METAP1: variants seen among roughly 807,000 people sequenced by gnomAD.
METAP1 encodes the protein methionyl aminopeptidase 1.
Under a neutral mutation model 53.8 loss-of-function variants are expected in METAP1, and 28 were observed. That is an observed-to-expected ratio of 0.52 (90% CI 0.39 to 0.71). METAP1 has a LOEUF of 0.71. Ranked by LOEUF, METAP1 falls within the 30% of genes least tolerant of loss-of-function variation. The probability of loss-of-function intolerance (pLI) is 0.00; values close to 1 mark genes in which losing one functional copy is unlikely to be tolerated. For synonymous variants in METAP1, 181 were observed against 165.7 expected (o/e 1.09, Z -0.71); for missense variants, 389 against 479.8 (o/e 0.81, Z 1.77).
In METAP1 at chr4:99,061,395, C is replaced by A; in HGVS notation, c.*78C>A. On this transcript the variant is annotated 3_prime_UTR_variant, in exon 11 of 11. Coordinates refer to ENST00000296411, the MANE Select transcript of METAP1 (RefSeq NM_015143.3). The stretch of plus-strand genomic sequence containing the variant: ...TTGAGAGTACAGAAAGGAAGAGGAA[C>A]CTTTTTTTAATCACTTGTTTTGTTT... The A allele has an allele frequency of 7.5e-7, 1 of 1,336,840 alleles. No homozygotes were observed. The allele number at this position is 1,336,840 out of a possible 1,614,324, so 82.8% of individuals were successfully genotyped here. A position where few individuals can be genotyped will look rare whatever the true frequency, so the allele number is the denominator to read the frequency against.
At chr4:99,013,410 C>T (rs1320939507) in intron 1 of METAP1, among the ~76,000 whole-genome samples, 1 of 152,160 alleles carries the variant, frequency 6.6e-6, no homozygotes, top group Non-Finnish European at 1.5e-5. Flanking sequence ...CATTATTCCC[C>T]TAGTTGGAAA....
intron 8 of METAP1, among the ~76,000 whole-genome samples, chr4:99,047,660 C>T (rs1230207): frequency 0.17 from 25,149 of 152,082 alleles, 3,338 homozygotes; most frequent in East Asian, 0.8. Context: ...TGTATCTGAA[C>T]CTCAGTCTGG....
At chr4:99,001,109 C>G (rs76072717) in intron 1 of METAP1, among the ~76,000 whole-genome samples, 1,871 of 152,302 alleles carry the variant, frequency 0.012, 39 homozygotes, top group African/African-American at 0.043. Context: ...GAAACTTTCT[C>G]TGTCAGTAAC....
intron 9 of METAP1, among the ~76,000 whole-genome samples, chr4:99,052,421 A>G (rs1472072140): frequency 6.6e-6 from 1 of 152,220 alleles, no homozygotes; most frequent in Non-Finnish European, 1.5e-5. Flanking sequence ...CTATACAAGC[A>G]TGGCAGCATC....
chr4:99,012,269 GTT>G lies in METAP1; in HGVS notation c.114+16419_114+16420del, dbSNP rs34482996. 9.3e-4 allele frequency among the ~76,000 whole-genome samples: 99 copies of G among 106,684 alleles called. 1 individual carries two copies. The highest frequency in any genetic ancestry group is 7.9e-3 in the East Asian group (28 of 3,540). 70.0% of individuals were successfully genotyped at this position (106,684 alleles called of 152,430 possible). ...GGTAAAAGTCGGGTTGTTAATGTGA[GTT>G]TTTTTTTTTTTTTTTTCAAGACAGT... On this transcript the variant is annotated intron_variant, in intron 1 of 10. Transcript: ENST00000296411.
intron 9 of METAP1, among the ~76,000 whole-genome samples, chr4:99,049,382 T>C (rs987776103): frequency 6.6e-6 from 1 of 152,220 alleles, no homozygotes; most frequent in Non-Finnish European, 1.5e-5. Context: ...GTCAACAGTT[T>C]GCCACAGGCC....
intron 1 of METAP1, chr4:98,997,543 C>G (rs573234910): frequency 6.5e-6 from 1 of 154,654 alleles, no homozygotes; most frequent in South Asian, 2.0e-4. Context: ...GACAGTTGTA[C>G]CATCTGAGTA....
chr4:99,003,456 G>T (rs1003023935), intron 1 of METAP1, among the ~76,000 whole-genome samples: 4 of 152,048 alleles, frequency 2.6e-5, no homozygotes, highest in African/African-American at 9.7e-5. Context: ...TTCTGAGTGG[G>T]GATTTATGTT....
intron 1 of METAP1, among the ~76,000 whole-genome samples, chr4:99,000,673 T>A (rs1230745616): frequency 1.1e-4 from 17 of 148,444 alleles, no homozygotes; most frequent in Admixed American, 4.0e-4. Flanking sequence ...TTTTTTTTTT[T>A]AAATAACAAG....
intron 1 of METAP1, chr4:99,022,351 G>C (rs1724176336): frequency 4.6e-6 from 4 of 870,824 alleles, no homozygotes; most frequent in Non-Finnish European, 6.5e-6. Flanking sequence ...CATGCTCTCT[G>C]AGGGTGGCGG....
intron 1 of METAP1, among the ~76,000 whole-genome samples, chr4:99,014,032 G>A (rs1723618228): frequency 6.6e-6 from 1 of 152,208 alleles, no homozygotes; most frequent in Non-Finnish European, 1.5e-5. Context: ...GTGGGGGAGA[G>A]GCAGAGGATA....
chr4:99,046,694 C>T (rs1457414648), intron 8 of METAP1, among the ~76,000 whole-genome samples: 2 of 151,944 alleles, frequency 1.3e-5, no homozygotes, highest in African/African-American at 4.8e-5. Flanking sequence ...GAAATTTTTA[C>T]TCAAGTTGGA....
chr4:99,006,773 C>T (rs1440590817), intron 1 of METAP1, among the ~76,000 whole-genome samples: 1 of 152,076 alleles, frequency 6.6e-6, no homozygotes, highest in Non-Finnish European at 1.5e-5. Context: ...TGTCATGTCT[C>T]TTAATTTAGA....
At chr4:99,035,346 CTCGTTTTATTT>C in intron 3 of METAP1, 43 bp from the exon 4 acceptor site, 2 of 1,306,238 alleles carry the variant, frequency 1.5e-6, no homozygotes, top group Non-Finnish European at 2.2e-6. Context: ...TCTTTCTCCC[CTCGTTTTATTT>C]ATTTTTCGTT....
chr4:98,996,208 C>CGGGCTGCCGGAGGCAGG (rs1722617139), intron 1 of METAP1, among the ~76,000 whole-genome samples: 1 of 152,138 alleles, frequency 6.6e-6, no homozygotes, highest in African/African-American at 2.4e-5. Context: ...GCCAGGTGTG[C>CGGGCTGCCGGAGGCAGG]GGGCTGCCGG....
chr4:99,033,026 T>TA (rs1270505709), intron 2 of METAP1, among the ~76,000 whole-genome samples: 2 of 152,336 alleles, frequency 1.3e-5, no homozygotes, highest in East Asian at 3.9e-4. Context: ...AGTTGTACCT[T>TA]AAGGGCCTTT....
intron 1 of METAP1, among the ~76,000 whole-genome samples, chr4:98,996,272 A>G (rs962083253): frequency 6.6e-6 from 1 of 152,206 alleles, no homozygotes; most frequent in African/African-American, 2.4e-5. Context: ...GAGCCTCCAC[A>G]TCCGCAGCAC....
chr4:99,039,598 T>C, intron 5 of METAP1, 133 bp downstream of exon 5: 1 of 547,946 alleles, frequency 1.8e-6, no homozygotes, highest in South Asian at 3.2e-5. Flanking sequence ...TTTTTTTTTT[T>C]TTAACTTTTT....
chr4:99,026,972 T>A, intron 1 of METAP1: 1 of 475,482 alleles, frequency 2.1e-6, no homozygotes, highest in Non-Finnish European at 2.7e-6. Context: ...CCTTAGTTTA[T>A]TTAATGAGAA....
Sources: gnomAD v4.1 joint callset for allele counts (sites outside exome capture counted in the v4.1 genomes callset) on GRCh38, gnomAD v4.1.1 for gene constraint, MANE v1.5 for transcripts, NCBI Gene and HGNC (gene_info 2026-07-23, HGNC 2026-07-21) for gene names.